The following CRYBG1 variants were observed in gnomAD, a reference collection of about 807,000 sequenced individuals.
CRYBG1 encodes the protein beta/gamma crystallin domain-containing protein 1.
Under a neutral mutation model 189.2 loss-of-function variants are expected in CRYBG1, and 139 were observed. The observed-to-expected ratio is 0.73, with a 90% CI of 0.64 to 0.85. CRYBG1 has a LOEUF of 0.85. Ranked by LOEUF, CRYBG1 falls within the 40% of genes least tolerant of loss-of-function variation. The probability of loss-of-function intolerance (pLI) is 0.00; values close to 1 mark genes in which losing one functional copy is unlikely to be tolerated. For missense variants in CRYBG1, 2,611 were observed against 2,675.8 expected (o/e 0.98, Z 0.53); for synonymous variants, 1,023 against 1,017.1 (o/e 1.01, Z -0.11).
chr6:106,365,318 T>C (rs73507166), intron 1 of CRYBG1, among the ~76,000 whole-genome samples: 6,894 of 151,998 alleles, frequency 0.045, 537 homozygotes, highest in African/African-American at 0.16. Context: ...TCATAGCTAC[T>C]TGGGAGGCTG....
chr6:106,494,579 A>G (rs1772801371), intron 2 of CRYBG1, among the ~76,000 whole-genome samples: 1 of 152,220 alleles, frequency 6.6e-6, no homozygotes, highest in South Asian at 2.1e-4. Flanking sequence ...GTCTGATAGT[A>G]GTGTCATTAT....
At chr6:106,451,180 C>G (rs1462390214) in intron 1 of CRYBG1, among the ~76,000 whole-genome samples, 2 of 152,164 alleles carry the variant, frequency 1.3e-5, no homozygotes, top group African/African-American at 4.8e-5. Context: ...AACATTCTTT[C>G]TGCCTTTATT....
At chr6:106,503,686 T>A (rs1445337295) in intron 2 of CRYBG1, among the ~76,000 whole-genome samples, 1 of 152,300 alleles carries the variant, frequency 6.6e-6, no homozygotes, top group East Asian at 1.9e-4. Context: ...AGACATTCCA[T>A]GATCTTATCT....
chr6:106,515,765 A>C (rs1003530585), intron 3 of CRYBG1, among the ~76,000 whole-genome samples: 2 of 125,706 alleles, frequency 1.6e-5, no homozygotes, highest in Non-Finnish European at 3.4e-5. Context: ...AAATTTATTT[A>C]TTTATTTATT....
intron 1 of CRYBG1, among the ~76,000 whole-genome samples, chr6:106,388,857 G>A (rs1057490945): frequency 6.6e-6 from 1 of 152,166 alleles, no homozygotes; most frequent in South Asian, 2.1e-4. Flanking sequence ...CTGAGAGAAA[G>A]ATCAGTGCTT....
At chr6:106,414,987 G>A (rs11152985) in intron 1 of CRYBG1, among the ~76,000 whole-genome samples, 12,962 of 152,200 alleles carry the variant, frequency 0.085, 667 homozygotes, top group East Asian at 0.15. Flanking sequence ...CAACTAGCAG[G>A]ATTTTGAAGA....
chr6:106,478,247 G>T (rs1365590597), intron 2 of CRYBG1, among the ~76,000 whole-genome samples: 1 of 152,184 alleles, frequency 6.6e-6, no homozygotes, highest in East Asian at 1.9e-4. Context: ...AATAATGAGT[G>T]TGTATGTATT....
rs571176988 is a variant in CRYBG1 at position 106,526,025 on chromosome 6, A to T, written c.4412+639A>T. Among the ~76,000 whole-genome samples, 77 of 152,318 alleles carry T rather than the reference A, an allele frequency of 5.1e-4. 1 individual carries two copies. The highest frequency in any genetic ancestry group is 1.7e-3 in the African/African-American group (72 of 41,590). ...TTTCTGAAATCATTTTATCAGCTTCATTGCCTCTTGGAGATACACAGGAAG... is the reference window on the plus strand; with the variant it reads ...TTTCTGAAATCATTTTATCAGCTTCTTTGCCTCTTGGAGATACACAGGAAG... On this transcript the variant is annotated intron_variant, in intron 6 of 21. Transcript: ENST00000633556.
intron 13 of CRYBG1, among the ~76,000 whole-genome samples, chr6:106,545,673 T>C (rs1392965565): frequency 1.5e-5 from 2 of 134,654 alleles, no homozygotes; most frequent in East Asian, 4.5e-4. Context: ...CATTCAGCTT[T>C]TGTTCTCCTA....
intron 2 of CRYBG1, among the ~76,000 whole-genome samples, chr6:106,505,940 A>C (rs998339806): frequency 6.6e-6 from 1 of 152,178 alleles, no homozygotes; most frequent in African/African-American, 2.4e-5. Context: ...TTAAAAAAAA[A>C]AGTTACTTTT....
intron 1 of CRYBG1, among the ~76,000 whole-genome samples, chr6:106,391,952 TGTGTGTGTGTGTGTGTGTGC>T (rs1349393992): frequency 0.014 from 1,772 of 129,120 alleles, 23 homozygotes; most frequent in African/African-American, 0.049. Context: ...TGTGTGTGTG[TGTGTGTGTGTGTGTGTGTGC>T]GTGCGCGTTT....
At position 106,566,629 on chromosome 6, in the gene CRYBG1, G is replaced by A. The variant is rs575279703; in HGVS notation, c.6302-1843G>A. The stretch of plus-strand genomic sequence containing the variant: ...TGGGATTACAGGTGCCTGCCACCAC[G>A]CCCGGCTAGCTACAACAGTTTTAAT... On this transcript the variant is annotated intron_variant, in intron 21 of 21. Coordinates refer to ENST00000633556, the MANE Select transcript of CRYBG1 (RefSeq NM_001371242.2). Among the ~76,000 whole-genome samples the A allele has an allele frequency of 1.6e-4, 24 of 151,798 alleles. 1 individual carries two copies. The highest frequency in any genetic ancestry group is 3.2e-4 in the Non-Finnish European group (22 of 67,978).
At chr6:106,467,024 C>T (rs1381429289) in intron 2 of CRYBG1, among the ~76,000 whole-genome samples, 1 of 152,144 alleles carries the variant, frequency 6.6e-6, no homozygotes, top group Non-Finnish European at 1.5e-5. Context: ...GCCGCTAAAA[C>T]AGTATGGGCT....
intron 4 of CRYBG1, among the ~76,000 whole-genome samples, 182 bp downstream of exon 4, chr6:106,521,635 T>G (rs531816971): frequency 1.3e-5 from 2 of 148,882 alleles, no homozygotes; most frequent in East Asian, 4.0e-4. Flanking sequence ...AAGAAAAAAA[T>G]GTACTAAGAG....
intron 2 of CRYBG1, among the ~76,000 whole-genome samples, chr6:106,495,695 T>TTAACAAGC (rs1209666706): frequency 1.3e-5 from 2 of 152,018 alleles, no homozygotes; most frequent in African/African-American, 2.4e-5. Context: ...CAGGTAATCA[T>TTAACAAGC]TAACAAGCTA....
intron 2 of CRYBG1, among the ~76,000 whole-genome samples, chr6:106,481,664 TCAAA>T (rs1772464552): frequency 2.0e-5 from 3 of 151,584 alleles, no homozygotes. Context: ...CTGTTGGGGG[TCAAA>T]CAAAGGGAAG....
At chr6:106,428,834 G>A (rs1296515334) in intron 1 of CRYBG1, among the ~76,000 whole-genome samples, 1 of 152,200 alleles carries the variant, frequency 6.6e-6, no homozygotes, top group Non-Finnish European at 1.5e-5. Flanking sequence ...AGCCCAATTT[G>A]GCAAAGCTAA....
At chr6:106,561,016 A>G in intron 19 of CRYBG1, 90 bp downstream of exon 19, 2 of 1,384,516 alleles carry the variant, frequency 1.4e-6, no homozygotes, top group East Asian at 2.4e-5. Context: ...TTTTTTATTC[A>G]AAGTTTATAA....
chr6:106,515,756 AATTTATTTATTTATTTATTT>A (rs71726144), intron 3 of CRYBG1, among the ~76,000 whole-genome samples: 101 of 141,330 alleles, frequency 7.1e-4, no homozygotes, highest in African/African-American at 2.1e-3. Context: ...GCAGAGATCA[AATTTATTTATTTATTTATTT>A]ATTTATTTAT....
Sources: gnomAD v4.1 joint callset for allele counts (sites outside exome capture counted in the v4.1 genomes callset) on GRCh38, gnomAD v4.1.1 for gene constraint, MANE v1.5 for transcripts, NCBI Gene and HGNC (gene_info 2026-07-23, HGNC 2026-07-21) for gene names.